The following LTBP2 variants were observed in gnomAD, a reference collection of about 807,000 sequenced individuals.
LTBP2 encodes latent transforming growth factor beta binding protein 2.
In LTBP2, 103 loss-of-function variants were observed where a neutral mutation model predicts 210.6. That is an observed-to-expected ratio of 0.49 (90% CI 0.42 to 0.58). The LOEUF (loss-of-function observed/expected upper bound fraction) is 0.58. LTBP2 is among the 20% of genes least tolerant of loss of function. LTBP2 has a pLI of 0.00. For missense variants in LTBP2, 2,313 were observed against 2,494.5 expected, an observed-to-expected ratio of 0.93 and a Z score of 1.55; for synonymous variants, 1,007 against 1,015.0, an observed-to-expected ratio of 0.99 and a Z score of 0.15.
intron 3 of LTBP2, among the ~76,000 whole-genome samples, chr14:74,562,623 GA>G (rs199951008): frequency 8.6e-5 from 13 of 150,490 alleles, no homozygotes; most frequent in Non-Finnish European, 1.6e-4. Context: ...ACAGGTCACA[GA>G]AAAAAAAATA....
intron 3 of LTBP2, among the ~76,000 whole-genome samples, chr14:74,577,671 G>A (rs780042726): frequency 6.6e-6 from 1 of 151,878 alleles, no homozygotes; most frequent in Non-Finnish European, 1.5e-5. Context: ...ACCATACCCA[G>A]CTAATTTTTG....
rs367609768 is a variant in LTBP2, at chr14:74,611,901, C to T, written c.44G>A (p.Arg15Gln). 1.9e-5 allele frequency: 30 copies of T among 1,598,082 alleles called. No homozygotes were observed. In the African/African-American group the frequency reaches 3.5e-4, roughly 19 times the overall value. Residue 15 changes from arginine (R) to glutamine (Q), a missense_variant, in exon 1 of 36, where the codon CGG becomes CAG. By Grantham distance (43) the Arg-to-Gln change is conservative. Around this residue, in one of 3 missense-constraint regions of LTBP2, gnomAD observed 1,867 missense variants for 1,976.9 expected, o/e 0.94. Transcript: ENST00000261978. ...CGGCAGGAAGCCTCTCCAGGGGTTCCGCAGGGCGCGCCCCGGGCTGCGGGC... is the reference window on the plus strand; with the variant it reads ...CGGCAGGAAGCCTCTCCAGGGGTTCTGCAGGGCGCGCCCCGGGCTGCGGGC... ...TKARSPGRAL[R>Q]NPWRGFLPLT...
rs1248378885 is a variant in LTBP2, at chr14:74,572,104, GTGTCATCTGCAGACAGA to G, written c.830+13733_830+13749del. Among the ~76,000 whole-genome samples the G allele has an allele frequency of 2.0e-5, 3 of 152,118 alleles. No homozygotes were observed. The South Asian group carries it at 6.2e-4, about 31-fold the overall frequency. ...TGGGAATCATTTAGCAATCTTCCCG[GTGTCATCTGCAGACAGA>G]TAGACACAGACAGACGAATACACCC... On this transcript the variant is annotated intron_variant, in intron 3 of 35. Transcript: ENST00000261978.
chr14:74,504,077 G>C, intron 30 of LTBP2, 23 bp from the exon 31 acceptor site: 1 of 1,613,220 alleles, frequency 6.2e-7, no homozygotes, highest in Non-Finnish European at 8.5e-7. Flanking sequence ...GAGCTGAGGT[G>C]AGAGGAAGGT....
intron 3 of LTBP2, among the ~76,000 whole-genome samples, chr14:74,566,276 A>G (rs1188653744): frequency 6.6e-6 from 1 of 152,184 alleles, no homozygotes; most frequent in Non-Finnish European, 1.5e-5. Flanking sequence ...AGGGAACACC[A>G]ACGCTTAAGA....
chr14:74,516,348 A>ATCCTTCCCTCCCTCCC (rs2087134449), intron 18 of LTBP2, among the ~76,000 whole-genome samples: 1 of 108,526 alleles, frequency 9.2e-6, no homozygotes, highest in African/African-American at 3.7e-5. Flanking sequence ...AGGATCTGGA[A>ATCCTTCCCTCCCTCCC]TCCCTCCCTC....
At chr14:74,552,129 C>G (rs917553285) in intron 6 of LTBP2, 58 bp downstream of exon 6, 2 of 1,501,718 alleles carry the variant, frequency 1.3e-6, no homozygotes, top group East Asian at 4.9e-5. Flanking sequence ...TGGTGACAGC[C>G]TCCACCCAAC....
rs576751950 is a variant in LTBP2, at chr14:74,608,386, C to T, written c.494+3065G>A. ...GGGAAAGGTAGAGAAAAATATTATA[C>T]AGGTGGTCTGCTGTGAGGCTGGTTC... On this transcript the variant is annotated intron_variant, in intron 1 of 35. Coordinates refer to ENST00000261978, the MANE Select transcript of LTBP2 (RefSeq NM_000428.3). Among the ~76,000 whole-genome samples the T allele has an allele frequency of 1.1e-3, 167 of 151,824 alleles. 2 individuals are homozygous for T. The highest frequency in any genetic ancestry group is 3.9e-3 in the African/African-American group (161 of 41,386).
At position 74,499,217 on chromosome 14, in the gene LTBP2, T is replaced by A. The variant is rs1378312761; in HGVS notation, c.*1667A>T. On this transcript the variant is annotated 3_prime_UTR_variant, in exon 36 of 36. Coordinates refer to ENST00000261978, the MANE Select transcript of LTBP2 (RefSeq NM_000428.3). ...ATCTCAGTATGGTTTTAAGTTGCAT[T>A]TCTTTTATTATGAGTGAAAGAATAT... 1 of 215,342 alleles carries A rather than the reference T, an allele frequency of 4.6e-6. No individual in the cohort carries two copies. Among genetic ancestry groups the A allele is most frequent in the Non-Finnish European group, 9.4e-6 (1 of 106,768 alleles). 13.3% of individuals were successfully genotyped at this position (215,342 alleles called of 1,614,324 possible). A position where few individuals can be genotyped will look rare whatever the true frequency, so the allele number is the denominator to read the frequency against.
intron 10 of LTBP2, among the ~76,000 whole-genome samples, chr14:74,531,305 C>A (rs1327275307): frequency 6.6e-6 from 1 of 152,188 alleles, no homozygotes; most frequent in Non-Finnish European, 1.5e-5. Flanking sequence ...ACTCGAGAGC[C>A]ATCTCTGCTT....
At chr14:74,550,100 G>A (rs2087631343) in intron 7 of LTBP2, 135 bp from the exon 8 acceptor site, 2 of 686,448 alleles carry the variant, frequency 2.9e-6, no homozygotes, top group Admixed American at 2.1e-5. Flanking sequence ...GCCAAAGAAG[G>A]GGAGAAGGGA....
Position 74,585,873 on chromosome 14 carries a change from G to T in LTBP2, c.811C>A (p.Pro271Thr). ...ACTTACCCAGCTGGTGGCGACTGTG[G>T]TGCGGGCGGCGACTGTGGTGCTGGC... is the stretch of plus-strand genomic sequence containing the variant. ...QPPAPQSPPAPQSPPAGTLSG... is the reference protein window; with the variant it reads ...QPPAPQSPPATQSPPAGTLSG... The change falls in exon 3 of 36, where the codon CCA (proline) becomes ACA (threonine). Residue 271 changes from proline to threonine, a missense_variant. Pro to Thr is a conservative substitution (Grantham distance 38, BLOSUM62 -1). Coordinates refer to ENST00000261978, the MANE Select transcript of LTBP2 (RefSeq NM_000428.3). 6.2e-7 allele frequency: 1 copy of T among 1,613,338 alleles called. No individual in the cohort carries two copies. Among genetic ancestry groups the T allele is most frequent in the Non-Finnish European group, 8.5e-7 (1 of 1,179,272 alleles).
intron 2 of LTBP2, among the ~76,000 whole-genome samples, chr14:74,594,295 G>A (rs1298897874): frequency 2.0e-5 from 3 of 152,080 alleles, no homozygotes; most frequent in Non-Finnish European, 4.4e-5. Context: ...TCTATGACCC[G>A]TTAGATAGAG....
At chr14:74,526,220 A>C in intron 13 of LTBP2, 106 bp from the exon 14 acceptor site, 35 of 1,121,870 alleles carry the variant, frequency 3.1e-5, no homozygotes, top group Non-Finnish European at 4.1e-5. Context: ...CCAGGAGCTC[A>C]TTCATGTTTT....
At chr14:74,598,740 G>T (rs777826019) in intron 2 of LTBP2, among the ~76,000 whole-genome samples, 1 of 152,140 alleles carries the variant, frequency 6.6e-6, no homozygotes, top group Non-Finnish European at 1.5e-5. Flanking sequence ...CCTCAGCCAC[G>T]TGGTGGAGCT....
At position 74,586,155 on chromosome 14, in the gene LTBP2, T is replaced by G; in HGVS notation, c.566-37A>C. The G allele has an allele frequency of 1.3e-6, 2 of 1,571,886 alleles. No individual in the cohort carries two copies. The highest frequency in any genetic ancestry group is 1.7e-6 in the Non-Finnish European group (2 of 1,159,794). On this transcript the variant is annotated intron_variant, in intron 2 of 35. Coordinates refer to ENST00000261978, the MANE Select transcript of LTBP2 (RefSeq NM_000428.3). The surrounding 1 kb of genome is among the most constrained non-coding windows in gnomAD (Gnocchi z 4.6). ...GGGAGAGAGGTGACAGCAGTGGCCA[T>G]AGGGCACTGAGACCACAGCTGCCCA...
chr14:74,515,056 T>C (rs2087117946), intron 18 of LTBP2, among the ~76,000 whole-genome samples: 1 of 152,086 alleles, frequency 6.6e-6, no homozygotes, highest in Non-Finnish European at 1.5e-5. Context: ...GACAGTAACA[T>C]TTCCCTCTAC....
At chr14:74,570,676 A>G (rs566413737) in intron 3 of LTBP2, among the ~76,000 whole-genome samples, 1 of 152,292 alleles carries the variant, frequency 6.6e-6, no homozygotes, top group East Asian at 1.9e-4. Context: ...TGATACAGGA[A>G]CTAGTGTCCC....
In LTBP2 at chr14:74,508,717, C is replaced by A; in HGVS notation, c.3539G>T (p.Cys1180Phe). ...GGGTGCGCAGTGCTCCTCCCCCATG[C>A]ACTCATTCACATCTGCAGGGAAAAG... is the stretch of plus-strand genomic sequence containing the variant. ...NGTVCEDVNE[C>F]MGEEHCAPHG... is the part of the protein sequence containing the mutation. Residue 1180 changes from cysteine to phenylalanine, a missense_variant, in exon 24 of 36, where the codon TGC becomes TTC. Physicochemically the swap from Cys to Phe is radical, Grantham distance 205. Around this residue, in one of 3 missense-constraint regions of LTBP2, gnomAD observed 1,867 missense variants for 1,976.9 expected, o/e 0.94. Coordinates refer to ENST00000261978, the MANE Select transcript of LTBP2 (RefSeq NM_000428.3). The A allele has an allele frequency of 6.2e-7, 1 of 1,613,810 alleles. No homozygotes were observed. Among genetic ancestry groups the A allele is most frequent in the African/African-American group, 1.3e-5 (1 of 75,034 alleles).
Sources: gnomAD v4.1 joint callset for allele counts (sites outside exome capture counted in the v4.1 genomes callset) on GRCh38, gnomAD v4.1.1 for gene constraint, gnomAD v4.1.1 regional missense constraint, Gnocchi (gnomAD v3.1) non-coding constraint, MANE v1.5 for transcripts, NCBI Gene and HGNC (gene_info 2026-07-23, HGNC 2026-07-21) for gene names.